RGS6: variants seen among roughly 807,000 people sequenced by gnomAD.
The protein encoded by RGS6 is regulator of G protein signaling 6, also known as regulator of G-protein signaling 6.
RGS6 carries 30 observed loss-of-function variants against 78.5 expected under a neutral mutation model. The ratio of observed to expected loss-of-function variants is 0.38; its 90% CI spans 0.29 to 0.52. The LOEUF (loss-of-function observed/expected upper bound fraction) is 0.52, where lower values mean the gene tolerates loss of function less well. Among genes scored for constraint, RGS6 ranks in the 20% least tolerant of loss-of-function variants. The probability of loss-of-function intolerance (pLI) is 0.85; values close to 1 mark genes in which losing one functional copy is unlikely to be tolerated. For missense variants in RGS6, 495 were observed against 609.7 expected, an observed-to-expected ratio of 0.81 and a Z score of 1.98; for synonymous variants, 206 against 206.0, an observed-to-expected ratio of 1.00 and a Z score of 0.00.
At chr14:72,021,846 G>A (rs1244851737) in intron 2 of RGS6, among the ~76,000 whole-genome samples, 1 of 151,880 alleles carries the variant, frequency 6.6e-6, no homozygotes, top group Non-Finnish European at 1.5e-5. Context: ...CATGTCATGG[G>A]GAGTTGTTGT....
intron 2 of RGS6, among the ~76,000 whole-genome samples, chr14:72,339,378 G>A (rs2076580172): frequency 6.6e-6 from 1 of 152,186 alleles, no homozygotes; most frequent in African/African-American, 2.4e-5. Flanking sequence ...TGAACTGTGA[G>A]TAATAAATTT....
chr14:72,005,196 G>T (rs993866448), intron 2 of RGS6, among the ~76,000 whole-genome samples: 2 of 152,086 alleles, frequency 1.3e-5, no homozygotes, highest in East Asian at 3.9e-4. Flanking sequence ...GCCTATTTTT[G>T]CATTAAAACA....
intron 2 of RGS6, among the ~76,000 whole-genome samples, chr14:72,269,329 C>T (rs554713581): frequency 2.0e-5 from 3 of 152,278 alleles, no homozygotes; most frequent in African/African-American, 7.2e-5. Flanking sequence ...CAGATAAAAG[C>T]GGAAGTCCTT....
At chr14:72,069,198 C>G (rs1024408297) in intron 2 of RGS6, among the ~76,000 whole-genome samples, 1 of 151,972 alleles carries the variant, frequency 6.6e-6, no homozygotes, top group African/African-American at 2.4e-5. Context: ...GTCTTGAACT[C>G]CTAATATCAA....
At chr14:72,514,090 T>A (rs1331808529) in intron 14 of RGS6, 1 of 152,180 alleles carries the variant, frequency 6.6e-6, no homozygotes, top group East Asian at 1.9e-4. Flanking sequence ...ACCACAACCA[T>A]CTGCAGTGTT....
At chr14:72,595,308 A>G in the RGS6 span, among the ~76,000 whole-genome samples, 1 of 152,146 alleles carries the variant, frequency 6.6e-6, no homozygotes, top group Non-Finnish European at 1.5e-5. Context: ...TTCTATCTAT[A>G]TTAAGCAACC....
chr14:72,512,462 G>C (rs1332321531), intron 14 of RGS6, among the ~76,000 whole-genome samples: 2 of 152,184 alleles, frequency 1.3e-5, no homozygotes, highest in Non-Finnish European at 2.9e-5. Flanking sequence ...ATCACCTCCT[G>C]CGCCTCTGCC....
Position 72,414,587 on chromosome 14 carries a change from G to T in RGS6, c.185-39941G>T, listed in dbSNP as rs191180350. ...CGTCAAAGTCATTCTCCGTCCAGCT[G>T]TGTTCCGTTGCTGGTGAGGAGCTGC... is the stretch of plus-strand genomic sequence containing the variant. On this transcript the variant is annotated intron_variant, in intron 3 of 17. Transcript: ENST00000553525. Among the ~76,000 whole-genome samples the T allele has an allele frequency of 4.8e-3, 734 of 152,312 alleles. 3 individuals are homozygous for T. The highest frequency in any genetic ancestry group is 0.017 in the African/African-American group (688 of 41,564).
At chr14:72,128,797 C>T (rs1230594842) in intron 2 of RGS6, among the ~76,000 whole-genome samples, 3 of 152,154 alleles carry the variant, frequency 2.0e-5, no homozygotes, top group Admixed American at 6.5e-5. Context: ...TCCTTCAGAT[C>T]CCACAACGTA....
intron 2 of RGS6, among the ~76,000 whole-genome samples, chr14:72,109,229 G>A (rs1014272661): frequency 3.3e-5 from 5 of 151,700 alleles, no homozygotes; most frequent in African/African-American, 1.2e-4. Flanking sequence ...CTGGCTAATT[G>A]TGTAACAATT....
chr14:72,209,854 G>A (rs944922965), intron 2 of RGS6, among the ~76,000 whole-genome samples: 2 of 152,136 alleles, frequency 1.3e-5, no homozygotes, highest in South Asian at 2.1e-4. Flanking sequence ...AGTATGGCCC[G>A]GCTCTTTCTT....
Position 72,056,443 on chromosome 14 carries a change from G to A in RGS6, c.84+91568G>A, listed in dbSNP as rs548561458. ...CTACCCAAATCCACCTCGTACCTGT[G>A]AGTCTTCAGGTGTGTTACACTCTGA... is the stretch of plus-strand genomic sequence containing the variant. On this transcript the variant is annotated intron_variant, in intron 2 of 17. Transcript: ENST00000553525. Among the ~76,000 whole-genome samples, 21 of 152,272 alleles carry A rather than the reference G, an allele frequency of 1.4e-4. No homozygotes were observed. The South Asian group carries it at 4.1e-3, about 30-fold the overall frequency.
At chr14:71,888,253 CA>C in the RGS6 span, among the ~76,000 whole-genome samples, 1 of 151,704 alleles carries the variant, frequency 6.6e-6, no homozygotes, top group African/African-American at 2.4e-5. Context: ...AAAAATAAAA[CA>C]AAACAAACAA....
At chr14:72,580,367 C>T in the RGS6 span, among the ~76,000 whole-genome samples, 2 of 151,146 alleles carry the variant, frequency 1.3e-5, no homozygotes, top group South Asian at 2.1e-4. Context: ...CAATCAGCTC[C>T]CATCCTTGGC....
At position 72,539,890 on chromosome 14, in the gene RGS6, C is replaced by G. The variant is rs2097298937; in HGVS notation, c.1369-151C>G. The G allele has an allele frequency of 9.2e-6, 6 of 654,708 alleles. No individual in the cohort carries two copies. The African/African-American group carries it at 9.2e-5, about 10-fold the overall frequency. The allele number at this position is 654,708 out of a possible 1,614,324, so 40.6% of individuals were successfully genotyped here. A position where few individuals can be genotyped will look rare whatever the true frequency, so the allele number is the denominator to read the frequency against. ...TCTCCCATTGACTCTTCCAACAGCT[C>G]TGGCTGCTTCTCTTTTCCCATTTTT... On this transcript the variant is annotated intron_variant, in intron 16 of 17. Transcript: ENST00000553525.
intron 17 of RGS6, chr14:72,541,082 T>C (rs981416999): frequency 9.6e-6 from 13 of 1,355,014 alleles, no homozygotes; most frequent in Admixed American, 3.8e-5. Context: ...TCCTGTACCA[T>C]GAACATCAAA....
chr14:72,183,559 A>C (rs2097201325), intron 2 of RGS6, among the ~76,000 whole-genome samples: 1 of 152,222 alleles, frequency 6.6e-6, no homozygotes. Context: ...GGTAGGACAC[A>C]CAGTTCCAAT....
chr14:72,187,049 C>A (rs990431016), intron 2 of RGS6, among the ~76,000 whole-genome samples: 1 of 151,926 alleles, frequency 6.6e-6, no homozygotes, highest in Non-Finnish European at 1.5e-5. Context: ...GCAAATGCCT[C>A]AAGAAAGAGA....
chr14:72,421,032 A>T (rs757739181), intron 3 of RGS6: 4 of 152,212 alleles, frequency 2.6e-5, no homozygotes, highest in Middle Eastern at 3.4e-3. Context: ...TTCATGCCCA[A>T]ATCACTTCTG....
Sources: allele counts gnomAD v4.1 joint callset (sites outside exome capture counted in the v4.1 genomes callset), GRCh38; gene constraint gnomAD v4.1.1; transcripts MANE v1.5; gene names NCBI Gene and HGNC (gene_info 2026-07-23, HGNC 2026-07-21).